Variants in HNF4A observed in about 807,000 individuals in gnomAD.
The protein encoded by HNF4A is hepatocyte nuclear factor 4-alpha.
HNF4A carries 15 observed loss-of-function variants against 52.4 expected under a neutral mutation model. The ratio of observed to expected loss-of-function variants is 0.29; its 90% CI spans 0.19 to 0.44. HNF4A has a LOEUF of 0.44. Among genes scored for constraint, HNF4A ranks in the 20% least tolerant of loss-of-function variants. The probability of loss-of-function intolerance (pLI) is 1.00; values close to 1 mark genes in which losing one functional copy is unlikely to be tolerated. For missense variants in HNF4A, 479 were observed against 647.2 expected (o/e 0.74, Z 2.82); for synonymous variants, 280 against 264.4 (o/e 1.06, Z -0.57).
chr20:44,429,509 G>C lies in HNF4A; in HGVS notation c.1283-14G>C. 6.2e-7 allele frequency: 1 copy of C among 1,614,044 alleles called. No homozygotes were observed. Among genetic ancestry groups the C allele is most frequent in the Non-Finnish European group, 8.5e-7 (1 of 1,179,946 alleles). On this transcript the variant is annotated splice_polypyrimidine_tract_variant and intron_variant, in intron 9 of 9. Transcript: ENST00000316099. ...AATTTTGAGCAGCCCCTGTCTGTCT[G>C]TTTGTCCTTCCAGCCACCCCTGAGA... is the stretch of plus-strand genomic sequence containing the variant.
At chr20:44,425,854 C>G (rs1339111123) in intron 8 of HNF4A, among the ~76,000 whole-genome samples, 1 of 152,034 alleles carries the variant, frequency 6.6e-6, no homozygotes, top group African/African-American at 2.4e-5. Context: ...GAGACAAGGT[C>G]TCACTATGTT....
chr20:44,399,947 G>C (rs766293720), upstream of HNF4A, among the ~76,000 whole-genome samples: 1 of 152,140 alleles, frequency 6.6e-6, no homozygotes, highest in African/African-American at 2.4e-5. Flanking sequence ...GGCCTCCCAA[G>C]TCTCAGGCTT....
chr20:44,425,373 G>A (rs2063803193), intron 8 of HNF4A, among the ~76,000 whole-genome samples: 1 of 152,208 alleles, frequency 6.6e-6, no homozygotes, highest in Admixed American at 6.5e-5. Context: ...TGTGATGGAT[G>A]ATGGAGGCTT....
At chr20:44,416,934 C>T (rs1008426152) in intron 5 of HNF4A, among the ~76,000 whole-genome samples, 6 of 152,026 alleles carry the variant, frequency 3.9e-5, no homozygotes, top group Non-Finnish European at 7.4e-5. Flanking sequence ...TTTCTCCTTC[C>T]TTCTTTCCTT....
intron 1 of HNF4A, chr20:44,402,615 C>A (rs1482683245): frequency 1.5e-6 from 2 of 1,365,196 alleles, no homozygotes; most frequent in Admixed American, 1.9e-5. Flanking sequence ...TGGAGCATAT[C>A]TGGAGGGGTG....
intron 1 of HNF4A, among the ~76,000 whole-genome samples, chr20:44,386,534 T>A (rs1486489575): frequency 2.0e-5 from 3 of 152,204 alleles, no homozygotes; most frequent in African/African-American, 7.2e-5. Flanking sequence ...AAGCATTGAA[T>A]GACTGAGAGA....
chr20:44,400,359 A>G (rs2063392199), upstream of HNF4A, among the ~76,000 whole-genome samples: 2 of 152,072 alleles, frequency 1.3e-5, no homozygotes, highest in South Asian at 4.1e-4. Flanking sequence ...GGGGAAGAGG[A>G]TGGACGTCTA....
At chr20:44,413,612 C>A in intron 3 of HNF4A, 82 bp from the exon 4 acceptor site, 1 of 960,680 alleles carries the variant, frequency 1.0e-6, no homozygotes, top group Non-Finnish European at 1.7e-6. Context: ...ACCTCCTGCT[C>A]CCACTCCTCA....
At chr20:44,395,891 G>A (rs751262076) in intron 1 of HNF4A, among the ~76,000 whole-genome samples, 3 of 152,184 alleles carry the variant, frequency 2.0e-5, no homozygotes, top group Non-Finnish European at 4.4e-5. Context: ...AGATAATGGT[G>A]TGGTGAGCGC....
chr20:44,390,669 G>A, intron 1 of HNF4A: 1 of 702,494 alleles, frequency 1.4e-6, no homozygotes, highest in Non-Finnish European at 2.6e-6. Context: ...GCTTCCCCCA[G>A]GACCCACCAG....
chr20:44,400,081 T>C (rs2063388981), upstream of HNF4A, among the ~76,000 whole-genome samples: 1 of 152,034 alleles, frequency 6.6e-6, no homozygotes. Context: ...AAGAACAGAG[T>C]GCACCATGAG....
Position 44,424,103 on chromosome 20 carries a change from C to G in HNF4A, c.978C>G (p.Arg326=), listed in dbSNP as rs760811566. Residue 326 remains arginine, a synonymous_variant, in exon 8 of 10, where the codon CGC becomes CGG. Transcript: ENST00000316099. The stretch of plus-strand genomic sequence containing the variant: ...GCTTGGAGGACTACATCAACGACCG[C>G]CAGTATGACTCGCGTGGCCGCTTTG... 1.9e-6 allele frequency: 3 copies of G among 1,613,376 alleles called. No homozygotes were observed. In the African/African-American group the frequency reaches 4.0e-5, roughly 22 times the overall value.
chr20:44,405,105 TA>T (rs2063481845), intron 1 of HNF4A, among the ~76,000 whole-genome samples: 5 of 6,662 alleles, frequency 7.5e-4, no homozygotes, highest in Non-Finnish European at 1.7e-3. Flanking sequence ...TGCTTGTGCG[TA>T]GCGTGTGTGC....
chr20:44,381,945 A>G (rs2063159422), intron 1 of HNF4A, among the ~76,000 whole-genome samples: 1 of 152,210 alleles, frequency 6.6e-6, no homozygotes. Context: ...TAACGCAACT[A>G]TATGCTGGGC....
In HNF4A at chr20:44,388,275, T is replaced by C. The variant is rs528815557; in HGVS notation, c.50-17783T>C. 2.6e-5 allele frequency among the ~76,000 whole-genome samples: 4 copies of C among 151,122 alleles called. No homozygotes were observed. The South Asian group carries it at 6.3e-4, about 24-fold the overall frequency. On this transcript the variant is annotated intron_variant, in intron 1 of 9. Coordinates refer to the HNF4A transcript ENST00000316673. ...CCTATCTTAATTTTCATAATGGGTA[T>C]GACATTTACTGATAGTAATATCATT...
At chr20:44,414,240 A>G (rs1342842996) in intron 4 of HNF4A, among the ~76,000 whole-genome samples, 1 of 152,136 alleles carries the variant, frequency 6.6e-6, no homozygotes, top group African/African-American at 2.4e-5. Context: ...TTCTCCTCTA[A>G]GGCTGACAGA....
In HNF4A at chr20:44,431,009, C is replaced by T. The variant is rs965717612; in HGVS notation, c.*1344C>T. 1 of 152,084 alleles carries T rather than the reference C, an allele frequency of 6.6e-6. No individual in the cohort carries two copies. The highest frequency in any genetic ancestry group is 1.5e-5 in the Non-Finnish European group (1 of 68,048). 9.4% of individuals were successfully genotyped at this position (152,084 alleles called of 1,614,324 possible). Reference sequence around the variant, plus strand: ...ATTGTTTTTGTTTTTTATTCTCCTCCTCCCTCCCCGCCCTCACCCGCCCCA... The same window carrying T: ...ATTGTTTTTGTTTTTTATTCTCCTCTTCCCTCCCCGCCCTCACCCGCCCCA... On this transcript the variant is annotated 3_prime_UTR_variant, in exon 10 of 10. Transcript: ENST00000316099.
In HNF4A at chr20:44,417,795, A is replaced by G. The variant is rs143287074; in HGVS notation, c.649-630A>G. 5.3e-4 allele frequency among the ~76,000 whole-genome samples: 81 copies of G among 152,070 alleles called. 1 individual carries two copies. Among genetic ancestry groups the G allele is most frequent in the Middle Eastern group, 3.4e-3 (1 of 294 alleles). ...CGAGATCAGCCTGGCAATATGGTGAAACCCCGTCTCTACTAAAAATAAAAT... is the reference window on the plus strand; with the variant it reads ...CGAGATCAGCCTGGCAATATGGTGAGACCCCGTCTCTACTAAAAATAAAAT... On this transcript the variant is annotated intron_variant, in intron 5 of 9. Transcript: ENST00000316099.
intron 3 of HNF4A, among the ~76,000 whole-genome samples, chr20:44,409,378 A>C (rs1263606576): frequency 2.6e-5 from 4 of 152,222 alleles, no homozygotes; most frequent in Non-Finnish European, 5.9e-5. Context: ...ATTGAGAACT[A>C]CAGTCTAAGG....
Sources: allele counts gnomAD v4.1 joint callset (sites outside exome capture counted in the v4.1 genomes callset), GRCh38; gene constraint gnomAD v4.1.1; transcripts MANE v1.5; gene names NCBI Gene and HGNC (gene_info 2026-07-23, HGNC 2026-07-21).